Variants in POC1B observed in about 807,000 individuals in gnomAD.
The protein encoded by POC1B is POC1 centriolar protein B.
Under a neutral mutation model 60.6 loss-of-function variants are expected in POC1B, and 44 were observed. The observed-to-expected ratio is 0.73, with a 90% CI of 0.57 to 0.93. POC1B has a LOEUF of 0.93. Among genes scored for constraint, POC1B ranks in the 40% least tolerant of loss-of-function variants. The pLI, the probability that POC1B is intolerant of heterozygous loss-of-function variation, is 0.00. For synonymous variants in POC1B, 180 were observed against 198.9 expected (o/e 0.90, Z 0.80); for missense variants, 555 against 572.3 (o/e 0.97, Z 0.31).
intron 4 of POC1B, among the ~76,000 whole-genome samples, chr12:89,483,705 G>T (rs1196747431): frequency 6.6e-6 from 1 of 152,116 alleles, no homozygotes; most frequent in Non-Finnish European, 1.5e-5. Context: ...AAAATTATCT[G>T]CCAAACTAGA....
intron 9 of POC1B, among the ~76,000 whole-genome samples, chr12:89,462,402 A>G (rs141913392): frequency 1.3e-5 from 2 of 152,304 alleles, no homozygotes; most frequent in African/African-American, 2.4e-5. Context: ...ACTGGGACTA[A>G]TGAATGAGGT....
intron 9 of POC1B, chr12:89,460,824 G>C (rs1445941845): frequency 6.6e-6 from 1 of 152,024 alleles, no homozygotes. Flanking sequence ...ACAAAGAAAA[G>C]CAACAGAATG....
chr12:89,424,041 G>A (rs1014906885), intron 11 of POC1B, among the ~76,000 whole-genome samples: 27 of 152,168 alleles, frequency 1.8e-4, no homozygotes, highest in Non-Finnish European at 1.3e-4. Context: ...AGAAAGTCAC[G>A]TCTAGTACAA....
chr12:89,488,391 TGA>T (rs770810887), intron 4 of POC1B, among the ~76,000 whole-genome samples: 15 of 152,142 alleles, frequency 9.9e-5, no homozygotes, highest in Admixed American at 3.9e-4. Context: ...TATACAGATA[TGA>T]GAGTTATTAG....
At chr12:89,523,299 C>T (rs1370903727) in intron 2 of POC1B, 1 of 1,614,064 alleles carries the variant, frequency 6.2e-7, no homozygotes, top group Non-Finnish European at 8.5e-7. Flanking sequence ...ATCTCAACCG[C>T]TCTCGTAGTA....
intron 10 of POC1B, among the ~76,000 whole-genome samples, chr12:89,442,324 TGAAG>T (rs1881560898): frequency 6.6e-6 from 1 of 151,846 alleles, no homozygotes; most frequent in Admixed American, 6.6e-5. Flanking sequence ...AAAGTTGAAA[TGAAG>T]GAAAAAATGT....
Position 89,459,656 on chromosome 12 carries a change from A to G in POC1B, c.1095T>C (p.Leu365=). ...GACTTACTGTGGTAGAATCAAAAGA[A>G]AGGATATCCATAACAGGGGGAGTAG... ...QISTPPVMDI[L]SFDSTTTTET... is the part of the protein sequence containing the mutation. Residue 365 remains leucine, a synonymous_variant, in exon 10 of 12, where the codon CTT becomes CTC. Transcript: ENST00000313546. 1.3e-6 allele frequency: 2 copies of G among 1,523,136 alleles called. No individual in the cohort carries two copies. The highest frequency in any genetic ancestry group is 1.8e-6 in the Non-Finnish European group (2 of 1,132,418). The allele number at this position is 1,523,136 out of a possible 1,614,324, so 94.4% of individuals were successfully genotyped here. A position where few individuals can be genotyped will look rare whatever the true frequency, so the allele number is the denominator to read the frequency against.
intron 10 of POC1B, chr12:89,426,228 T>G (rs1206090959): frequency 6.6e-6 from 1 of 152,158 alleles, no homozygotes; most frequent in Non-Finnish European, 1.5e-5. Context: ...TACCAGGGGC[T>G]GGAGGTAGGG....
chr12:89,430,066 T>A (rs1473663546), intron 10 of POC1B, among the ~76,000 whole-genome samples: 2 of 152,206 alleles, frequency 1.3e-5, no homozygotes, highest in Non-Finnish European at 2.9e-5. Flanking sequence ...CTTAAGTTCT[T>A]CTTTGGATAA....
intron 10 of POC1B, among the ~76,000 whole-genome samples, chr12:89,431,797 T>C (rs1204771119): frequency 1.3e-5 from 2 of 152,206 alleles, no homozygotes; most frequent in Admixed American, 6.5e-5. Context: ...TAAAACAACA[T>C]AGATTTATTA....
At chr12:89,452,937 G>A (rs1882113736) in intron 10 of POC1B, among the ~76,000 whole-genome samples, 2 of 151,992 alleles carry the variant, frequency 1.3e-5, no homozygotes, top group Non-Finnish European at 2.9e-5. Flanking sequence ...TAACATATGG[G>A]TCATGAAGTA....
chr12:89,412,776 T>C, the POC1B span, among the ~76,000 whole-genome samples: 1 of 151,838 alleles, frequency 6.6e-6, no homozygotes, highest in Non-Finnish European at 1.5e-5. Flanking sequence ...GGTTTCGAGT[T>C]CATGAAACCA....
chr12:89,438,883 T>C (rs1002983110), intron 10 of POC1B, among the ~76,000 whole-genome samples: 1 of 152,236 alleles, frequency 6.6e-6, no homozygotes, highest in African/African-American at 2.4e-5. Flanking sequence ...TAGGTACTCC[T>C]GGAGGTTTCA....
At chr12:89,494,047 A>AT (rs1403058919) in intron 3 of POC1B, among the ~76,000 whole-genome samples, 1 of 151,726 alleles carries the variant, frequency 6.6e-6, no homozygotes, top group African/African-American at 2.4e-5. Context: ...TTTCTTATTT[A>AT]TTTATTTTTT....
intron 2 of POC1B, chr12:89,523,994 G>A (rs374204837): frequency 7.2e-5 from 117 of 1,613,880 alleles, no homozygotes; most frequent in Non-Finnish European, 9.7e-5. Context: ...TAAGTTTCAA[G>A]TTGTGTCTTC....
At chr12:89,500,104 G>C (rs578169564) in intron 2 of POC1B, 6 of 1,445,020 alleles carry the variant, frequency 4.2e-6, no homozygotes, top group South Asian at 2.4e-5. Context: ...TGGCTGTGTC[G>C]GGTCTGGATC....
chr12:89,421,802 G>A (rs1411832533), intron 11 of POC1B, among the ~76,000 whole-genome samples: 1 of 152,166 alleles, frequency 6.6e-6, no homozygotes, highest in African/African-American at 2.4e-5. Context: ...ACCTCGTGGA[G>A]TTGTTAGGAG....
At chr12:89,447,386 T>C (rs1881834076) in intron 10 of POC1B, among the ~76,000 whole-genome samples, 1 of 152,112 alleles carries the variant, frequency 6.6e-6, no homozygotes, top group African/African-American at 2.4e-5. Flanking sequence ...AACAAAGTAA[T>C]TTCTAAAAGT....
chr12:89,419,680 C>T (rs1592571297), downstream of POC1B: 1 of 152,298 alleles, frequency 6.6e-6, no homozygotes, highest in South Asian at 2.1e-4. Context: ...ATGTTTAGTA[C>T]TTCCGGGTTT....
Sources: gnomAD v4.1 joint callset for allele counts (sites outside exome capture counted in the v4.1 genomes callset) on GRCh38, gnomAD v4.1.1 for gene constraint, MANE v1.5 for transcripts, NCBI Gene and HGNC (gene_info 2026-07-23, HGNC 2026-07-21) for gene names.